RNF213: variants seen among roughly 807,000 people sequenced by gnomAD.
RNF213 encodes the protein E3 ubiquitin-protein ligase RNF213.
A neutral mutation model predicts 514.4 loss-of-function variants in RNF213; 341 were observed. That is an observed-to-expected ratio of 0.66 (90% CI 0.61 to 0.73). RNF213 has a LOEUF of 0.73. Ranked by LOEUF, RNF213 falls within the 30% of genes least tolerant of loss-of-function variation. RNF213 has a pLI of 0.00. For synonymous variants in RNF213, 2,655 were observed against 2,658.2 expected, an observed-to-expected ratio of 1.00 and a Z score of 0.04; for missense variants, 5,767 against 6,615.6, an observed-to-expected ratio of 0.87 and a Z score of 4.45.
intron 57 of RNF213, chr17:80,382,188 T>TAA (rs35569924): frequency 6.0e-4 from 93 of 154,378 alleles, no homozygotes; most frequent in Middle Eastern, 3.4e-3. Context: ...ACAGTTATGT[T>TAA]AAAAAAAAAA....
rs538055903 is a variant in RNF213, at chr17:80,381,528, T to C, written c.13798-19T>C. 4 of 1,613,834 alleles carry C rather than the reference T, an allele frequency of 2.5e-6. No individual in the cohort carries two copies. The African/African-American group carries it at 4.0e-5, about 16-fold the overall frequency. On this transcript the variant is annotated intron_variant, in intron 56 of 67. Coordinates refer to ENST00000582970, the MANE Select transcript of RNF213 (RefSeq NM_001256071.3). ...CAAACCAGATCCCCGCTGAACACTC[T>C]GTTCCGTTGCCCCCACAGGCTCTGA...
chr17:80,285,485 G>A (rs1230804058), intron 3 of RNF213, among the ~76,000 whole-genome samples: 1 of 152,176 alleles, frequency 6.6e-6, no homozygotes, highest in Admixed American at 6.5e-5. Context: ...CACTGAGGAC[G>A]ATGGGTGCCT....
chr17:80,290,304 G>T (rs568322320), intron 6 of RNF213, among the ~76,000 whole-genome samples: 2 of 151,936 alleles, frequency 1.3e-5, no homozygotes, highest in South Asian at 4.2e-4. Flanking sequence ...TGTGCATGTG[G>T]GTGTGTGCGT....
chr17:80,371,011 T>A (rs560305465), intron 46 of RNF213, among the ~76,000 whole-genome samples: 1 of 36,762 alleles, frequency 2.7e-5, no homozygotes, highest in Non-Finnish European at 8.8e-5. Context: ...GAATATGGAT[T>A]TTTTTTTTTA....
At chr17:80,379,735 T>C in intron 55 of RNF213, 21 bp downstream of exon 55, 2 of 1,605,720 alleles carry the variant, frequency 1.2e-6, no homozygotes, top group African/African-American at 1.3e-5. Flanking sequence ...CAGGATTCTA[T>C]TTCCTAAGTA....
intron 20 of RNF213, among the ~76,000 whole-genome samples, chr17:80,328,822 A>C (rs78890172): frequency 1.4e-4 from 21 of 152,206 alleles, no homozygotes; most frequent in African/African-American, 5.1e-4. Context: ...CTGTTTTCTC[A>C]TAACGGAGTT....
chr17:80,325,276 G>A (rs1280071213), intron 18 of RNF213, 78 bp downstream of exon 18: 41 of 1,353,936 alleles, frequency 3.0e-5, no homozygotes, highest in Non-Finnish European at 3.7e-5. Flanking sequence ...GGAGGCAGAA[G>A]ATTTGACATG....
At chr17:80,358,573 C>A in intron 37 of RNF213, 94 bp downstream of exon 37, 1 of 1,203,352 alleles carries the variant, frequency 8.3e-7, no homozygotes, top group Non-Finnish European at 1.2e-6. Flanking sequence ...AAACGCAGCC[C>A]TCAACTTCAG....
chr17:80,299,320 A>G (rs985810951), intron 11 of RNF213, among the ~76,000 whole-genome samples: 6 of 152,188 alleles, frequency 3.9e-5, no homozygotes, highest in Non-Finnish European at 8.8e-5. Flanking sequence ...GCGTGCTTTC[A>G]TAAGCATCCT....
In RNF213 at chr17:80,369,592, T is replaced by TC; in HGVS notation, c.12248dup (p.Pro4084AlafsTer2). 6.2e-7 allele frequency: 1 copy of TC among 1,614,234 alleles called. No homozygotes were observed. On this transcript the variant is annotated frameshift_variant, in exon 45 of 68. Coordinates refer to ENST00000582970, the MANE Select transcript of RNF213 (RefSeq NM_001256071.3). LOFTEE classifies it high-confidence loss of function. ...CCACCATTTGCTTCAAGGACAACGC[T>TC]CCGCCTGAGAAGGAAGTGATTGAGA...
In RNF213 at chr17:80,386,854, G is replaced by A. The variant is rs745614266; in HGVS notation, c.14885G>A (p.Ser4962Asn). 1.2e-6 allele frequency: 2 copies of A among 1,613,904 alleles called. No individual in the cohort carries two copies. Among genetic ancestry groups the A allele is most frequent in the Admixed American group, 1.7e-5 (1 of 60,026 alleles). ...GAGAAGATTCAGCGGCAGATCGTCA[G>A]CCGCTTCCTCCAGGGCAAGCCCCGG... Reference protein sequence around the residue: ...DLEKIQRQIVSRFLQGKPRLS... With the variant: ...DLEKIQRQIVNRFLQGKPRLS... Residue 4962 changes from serine (S) to asparagine (N), a missense_variant, in exon 63 of 68, where the codon AGC (serine) becomes AAC (asparagine). Ser to Asn is a conservative substitution (Grantham distance 46). This residue lies in a region of RNF213 where 1,245 missense variants were observed against 1,339.0 expected (regional missense o/e 0.93). Coordinates refer to ENST00000582970, the MANE Select transcript of RNF213 (RefSeq NM_001256071.3).
In RNF213 at chr17:80,290,019, T is replaced by C. The variant is rs562693792; in HGVS notation, c.1112+182T>C. Among the ~76,000 whole-genome samples the C allele has an allele frequency of 2.0e-5, 3 of 152,284 alleles. No individual in the cohort carries two copies. The South Asian group carries it at 6.2e-4, about 32-fold the overall frequency. Reference sequence around the variant, plus strand: ...AGGGGGGTGGGCACCTGTGCCAGTTTCTTGTTTCCTAATAGCCCCTGGGGT... The same window carrying C: ...AGGGGGGTGGGCACCTGTGCCAGTTCCTTGTTTCCTAATAGCCCCTGGGGT... On this transcript the variant is annotated intron_variant, in intron 6 of 67. Transcript: ENST00000582970.
At chr17:80,299,580 A>T (rs571226690) in intron 11 of RNF213, among the ~76,000 whole-genome samples, 1 of 151,360 alleles carries the variant, frequency 6.6e-6, no homozygotes, top group Non-Finnish European at 1.5e-5. Flanking sequence ...TTAACTTCTA[A>T]GTTCAGGAGT....
chr17:80,288,860 C>T lies in RNF213; in HGVS notation c.933+105C>T. 6.3e-7 allele frequency: 1 copy of T among 1,578,630 alleles called. No homozygotes were observed. Among genetic ancestry groups the T allele is most frequent in the Non-Finnish European group, 8.7e-7 (1 of 1,155,100 alleles). On this transcript the variant is annotated intron_variant, in intron 5 of 67. Transcript: ENST00000582970. This position sits in a 1 kb window ranked among gnomAD's most constrained non-coding sequence, Gnocchi z 4.9. ...AAATATTTAAGTGCTGGGGATATAG[C>T]CATGATTCAGACAAAGCTCTGGCCT... is the stretch of plus-strand genomic sequence containing the variant.
In RNF213 at chr17:80,368,943, G is replaced by A. The variant is rs376754230; in HGVS notation, c.12156-559G>A. On this transcript the variant is annotated intron_variant, in intron 44 of 67. Transcript: ENST00000582970. ...AAAAGTGGGGCACCAGGCAAGCCCA[G>A]TGGATGGGTTCTTTGACATACTTTG... 1.8e-4 allele frequency among the ~76,000 whole-genome samples: 28 copies of A among 152,318 alleles called. 1 individual carries two copies. Among genetic ancestry groups the A allele is most frequent in the African/African-American group, 6.7e-4 (28 of 41,572 alleles).
At chr17:80,392,330 T>C (rs2080507725) in intron 67 of RNF213, among the ~76,000 whole-genome samples, 1 of 152,238 alleles carries the variant, frequency 6.6e-6, no homozygotes, top group African/African-American at 2.4e-5. Flanking sequence ...TCCTAGAGAA[T>C]TTCCAGTCTT....
intron 17 of RNF213, among the ~76,000 whole-genome samples, chr17:80,324,273 A>G (rs559961200): frequency 6.6e-6 from 1 of 152,252 alleles, no homozygotes; most frequent in Admixed American, 6.5e-5. Flanking sequence ...TTTGTTCCTC[A>G]TTTGTTGAAT....
intron 65 of RNF213, among the ~76,000 whole-genome samples, 187 bp downstream of exon 65, chr17:80,389,554 C>T (rs74592392): frequency 0.051 from 7,809 of 152,236 alleles, 218 homozygotes; most frequent in Middle Eastern, 0.065. Flanking sequence ...GAGACAGACA[C>T]GCGCTAGAAA....
rs957980818 is a variant in RNF213 at position 80,343,567 on chromosome 17, A to G, written c.6183+242A>G. Among the ~76,000 whole-genome samples, 2 of 152,230 alleles carry G rather than the reference A, an allele frequency of 1.3e-5. No individual in the cohort carries two copies. On this transcript the variant is annotated intron_variant, in intron 27 of 67. Transcript: ENST00000582970. This position sits in a 1 kb window ranked among gnomAD's most constrained non-coding sequence, Gnocchi z 4.3. ...CCACTGCACACACAGGCTTTATGGT[A>G]CACACTGTCGCTCCTAGGCCGCAAA...
Sources: allele counts gnomAD v4.1 joint callset (sites outside exome capture counted in the v4.1 genomes callset), GRCh38; gene constraint gnomAD v4.1.1; regional missense constraint gnomAD v4.1.1; non-coding constraint Gnocchi (gnomAD v3.1); transcripts MANE v1.5; gene names NCBI Gene and HGNC (gene_info 2026-07-23, HGNC 2026-07-21).